Variants in ANKS3 observed in about 807,000 individuals in gnomAD.
ANKS3 encodes ankyrin repeat and SAM domain-containing protein 3.
In ANKS3, 62 loss-of-function variants were observed where a neutral mutation model predicts 80.7. The ratio of observed to expected loss-of-function variants is 0.77; its 90% CI spans 0.63 to 0.95. The LOEUF (loss-of-function observed/expected upper bound fraction) is 0.95. Ranked by LOEUF, ANKS3 falls within the 40% of genes least tolerant of loss-of-function variation. The pLI, the probability that ANKS3 is intolerant of heterozygous loss-of-function variation, is 0.00. For synonymous variants in ANKS3, 489 were observed against 355.3 expected (o/e 1.38, Z -4.23); for missense variants, 1,150 against 883.6 (o/e 1.30, Z -3.82).
chr16:4,719,860 G>A (rs1488731185), intron 6 of ANKS3, among the ~76,000 whole-genome samples: 34 of 151,666 alleles, frequency 2.2e-4, no homozygotes, highest in Admixed American at 2.2e-3. Flanking sequence ...AATGGCCAGG[G>A]AGCCAAAAAG....
At position 4,697,112 on chromosome 16, in the gene ANKS3, A is replaced by T. The variant is rs770880507; in HGVS notation, c.1895-8T>A. The T allele has an allele frequency of 1.2e-6, 2 of 1,613,016 alleles. No homozygotes were observed. The highest frequency in any genetic ancestry group is 1.7e-6 in the Non-Finnish European group (2 of 1,179,604). On this transcript the variant is annotated splice_polypyrimidine_tract_variant and splice_region_variant and intron_variant, in intron 16 of 17. Coordinates refer to ENST00000304283, the MANE Select transcript of ANKS3 (RefSeq NM_133450.4). ...CTAAGCACAGTGCTTGCCCTGAGGA[A>T]TGATGACCTTGAGCCTCTCCCGGCC...
At chr16:4,704,364 G>A (rs1312695870) in intron 8 of ANKS3, among the ~76,000 whole-genome samples, 1 of 152,146 alleles carries the variant, frequency 6.6e-6, no homozygotes, top group Non-Finnish European at 1.5e-5. Context: ...CAGCCACCAG[G>A]CCTGTGAGAC....
At chr16:4,711,659 G>A (rs9931315) in intron 7 of ANKS3, among the ~76,000 whole-genome samples, 6,459 of 150,356 alleles carry the variant, frequency 0.043, 445 homozygotes, top group African/African-American at 0.15. Flanking sequence ...CAGAGGTTGC[G>A]GTGAGTCAAG....
chr16:4,726,363 A>G (rs898639781), intron 5 of ANKS3, among the ~76,000 whole-genome samples: 10 of 152,246 alleles, frequency 6.6e-5, no homozygotes, highest in African/African-American at 1.2e-4. Context: ...TGACATTTAA[A>G]TGCCATTCAG....
chr16:4,734,093 C>A lies in ANKS3; in HGVS notation c.-226G>T. On this transcript the variant is annotated 5_prime_UTR_variant, in exon 1 of 18. Coordinates refer to ENST00000304283, the MANE Select transcript of ANKS3 (RefSeq NM_133450.4). ...GCAAGTGCAGCGCGGGACGCCCGAGCGCCGGGTCTAGGCGGGCTGCAGGTG... is the reference window on the plus strand; with the variant it reads ...GCAAGTGCAGCGCGGGACGCCCGAGAGCCGGGTCTAGGCGGGCTGCAGGTG... The A allele has an allele frequency of 2.1e-6, 2 of 936,546 alleles. No homozygotes were observed. The highest frequency in any genetic ancestry group is 2.5e-6 in the Non-Finnish European group (2 of 785,408). The allele number at this position is 936,546 out of a possible 1,614,324, so 58.0% of individuals were successfully genotyped here.
intron 6 of ANKS3, among the ~76,000 whole-genome samples, chr16:4,721,022 G>C (rs2081063003): frequency 6.9e-6 from 1 of 145,520 alleles, no homozygotes; most frequent in Non-Finnish European, 1.5e-5. Flanking sequence ...AAAAAAAAGA[G>C]AGGCCAGGCA....
chr16:4,731,902 G>A (rs1190656087), intron 1 of ANKS3, among the ~76,000 whole-genome samples: 3 of 152,122 alleles, frequency 2.0e-5, no homozygotes, highest in Non-Finnish European at 4.4e-5. Context: ...GAATCCTTAG[G>A]TACAAGAGTG....
intron 16 of ANKS3, 60 bp from the exon 17 acceptor site, chr16:4,697,164 C>A (rs1022679362): frequency 2.5e-6 from 4 of 1,590,084 alleles, no homozygotes; most frequent in Non-Finnish European, 3.4e-6. Flanking sequence ...GGTGGTGCTG[C>A]CCCGGGGTCT....
At chr16:4,710,266 AT>A (rs1433044767) in intron 7 of ANKS3, among the ~76,000 whole-genome samples, 2 of 152,202 alleles carry the variant, frequency 1.3e-5, no homozygotes, top group Admixed American at 1.3e-4. Context: ...ATGATTTTAA[AT>A]GTTCTCACCT....
intron 9 of ANKS3, 76 bp downstream of exon 9, chr16:4,702,026 G>A (rs780013329): frequency 1.1e-4 from 156 of 1,472,104 alleles, no homozygotes; most frequent in Non-Finnish European, 1.3e-4. Flanking sequence ...CAGGCCCAGG[G>A]GATAAGTGGG....
chr16:4,698,221 A>G, intron 14 of ANKS3, 159 bp from the exon 15 acceptor site: 1 of 1,116,804 alleles, frequency 9.0e-7, no homozygotes, highest in Non-Finnish European at 1.2e-6. Context: ...AAAGAGCAGG[A>G]GGGCGACCGG....
intron 9 of ANKS3, 59 bp downstream of exon 9, chr16:4,702,043 C>T: frequency 6.6e-7 from 1 of 1,512,352 alleles, no homozygotes; most frequent in Non-Finnish European, 8.8e-7. Flanking sequence ...TGGGGATGGG[C>T]ACACAGGAGC....
chr16:4,726,856 T>C (rs2081379973), intron 4 of ANKS3, 76 bp from the exon 5 acceptor site: 2 of 1,597,250 alleles, frequency 1.3e-6, no homozygotes, highest in Non-Finnish European at 1.7e-6. Context: ...GCGGCCATGC[T>C]GCAAGAATCA....
intron 7 of ANKS3, among the ~76,000 whole-genome samples, chr16:4,705,497 G>C (rs139490775): frequency 5.9e-4 from 90 of 152,320 alleles, no homozygotes; most frequent in African/African-American, 1.9e-3. Flanking sequence ...GTCTCACTCT[G>C]TCCCCCGAGC....
chr16:4,700,452 T>C, intron 11 of ANKS3: 1 of 229,224 alleles, frequency 4.4e-6, no homozygotes, highest in Non-Finnish European at 8.8e-6. Context: ...AGAGCTTCCC[T>C]CTGCCTCTCC....
At chr16:4,718,736 C>A (rs1022006644) in intron 6 of ANKS3, among the ~76,000 whole-genome samples, 3 of 152,222 alleles carry the variant, frequency 2.0e-5, no homozygotes, top group African/African-American at 7.2e-5. Flanking sequence ...CCACCTGCTG[C>A]CAGTCCTGCC....
chr16:4,706,708 AG>A (rs2080214592), intron 7 of ANKS3, among the ~76,000 whole-genome samples: 2 of 152,196 alleles, frequency 1.3e-5, no homozygotes, highest in African/African-American at 4.8e-5. Flanking sequence ...TACTTTTAAG[AG>A]ATACGTGAGT....
rs771350428 is a variant in ANKS3 at position 4,698,501 on chromosome 16, G to A, written c.1650C>T (p.Arg550=). The part of the protein sequence containing the change: ...ESCLLEQDRA[R]EDLQARLRET... ...CCCGCAGCCGGGCCTGGAGGTCCTC[G>A]CGGGCGCGGTCCTGCTCCAGCAGGC... Residue 550 remains arginine, a synonymous_variant, in exon 14 of 18, where the codon CGC becomes CGT. Coordinates refer to ENST00000304283, the MANE Select transcript of ANKS3 (RefSeq NM_133450.4). 9 of 1,557,180 alleles carry A rather than the reference G, an allele frequency of 5.8e-6. No homozygotes were observed. The highest frequency in any genetic ancestry group is 2.7e-5 in the African/African-American group (2 of 73,790).
intron 3 of ANKS3, chr16:4,728,197 C>T (rs1596458582): frequency 6.6e-6 from 1 of 152,476 alleles, no homozygotes; most frequent in Non-Finnish European, 1.5e-5. Flanking sequence ...AGGCGCCCGC[C>T]ACTACGCCCA....
Sources: gnomAD v4.1 joint callset for allele counts (sites outside exome capture counted in the v4.1 genomes callset) on GRCh38, gnomAD v4.1.1 for gene constraint, MANE v1.5 for transcripts, NCBI Gene and HGNC (gene_info 2026-07-23, HGNC 2026-07-21) for gene names.